CYB5A: variants seen among roughly 807,000 people sequenced by gnomAD.
CYB5A encodes the protein cytochrome b5 type A.
CYB5A carries 10 observed loss-of-function variants against 16.2 expected under a neutral mutation model. The ratio of observed to expected loss-of-function variants is 0.62; its 90% CI spans 0.38 to 1.04. CYB5A has a LOEUF of 1.04. Among genes scored for constraint, CYB5A ranks in the 50% least tolerant of loss-of-function variants. The probability of loss-of-function intolerance (pLI) is 0.01; values close to 1 mark genes in which losing one functional copy is unlikely to be tolerated. For synonymous variants in CYB5A, 62 were observed against 57.0 expected, an observed-to-expected ratio of 1.09 and a Z score of -0.40; for missense variants, 161 against 165.9, an observed-to-expected ratio of 0.97 and a Z score of 0.16.
intron 1 of CYB5A, among the ~76,000 whole-genome samples, chr18:74,276,266 C>T (rs933366959): frequency 1.3e-5 from 2 of 152,094 alleles, no homozygotes; most frequent in Admixed American, 6.6e-5. Flanking sequence ...TGATAGCTCA[C>T]GAGGGAGGTG....
chr18:74,290,397 G>A (rs572404692), intron 1 of CYB5A, among the ~76,000 whole-genome samples: 22 of 152,022 alleles, frequency 1.4e-4, no homozygotes, highest in African/African-American at 4.8e-4. Flanking sequence ...GGCGTGCCCC[G>A]CCAGGCCTGG....
At chr18:74,267,751 A>T (rs1281326816) in intron 1 of CYB5A, among the ~76,000 whole-genome samples, 1 of 152,166 alleles carries the variant, frequency 6.6e-6, no homozygotes, top group Non-Finnish European at 1.5e-5. Context: ...AAGAAGTGAA[A>T]TTCTCCCAAA....
chr18:74,289,673 G>A (rs774409971), intron 1 of CYB5A, among the ~76,000 whole-genome samples: 23 of 151,962 alleles, frequency 1.5e-4, no homozygotes, highest in Non-Finnish European at 2.9e-4. Flanking sequence ...CTACTTGGGA[G>A]GCTGAGGCAG....
chr18:74,275,974 G>C (rs1056187877), intron 1 of CYB5A, among the ~76,000 whole-genome samples: 1 of 152,058 alleles, frequency 6.6e-6, no homozygotes, highest in Non-Finnish European at 1.5e-5. Context: ...ATCTGACCCA[G>C]CCCAGAGGCG....
intron 1 of CYB5A, among the ~76,000 whole-genome samples, chr18:74,270,373 CTGCATCAG>C (rs1447091816): frequency 6.6e-6 from 1 of 152,098 alleles, no homozygotes; most frequent in Non-Finnish European, 1.5e-5. Context: ...TGAGCTATGA[CTGCATCAG>C]TGCACTCCAG....
intron 1 of CYB5A, among the ~76,000 whole-genome samples, chr18:74,285,814 G>T (rs544837785): frequency 4.1e-5 from 6 of 147,144 alleles, no homozygotes; most frequent in Admixed American, 1.4e-4. Context: ...ATCACACCAC[G>T]GCCTGGGCAA....
intron 1 of CYB5A, among the ~76,000 whole-genome samples, chr18:74,289,513 C>T (rs1341839088): frequency 2.6e-5 from 4 of 152,128 alleles, no homozygotes; most frequent in Admixed American, 6.5e-5. Flanking sequence ...CAGTGGCTCA[C>T]GCCTGTAATC....
intron 3 of CYB5A, chr18:74,257,351 C>T: frequency 1.2e-5 from 2 of 165,720 alleles, no homozygotes; most frequent in Non-Finnish European, 2.6e-5. Flanking sequence ...AATCGTATCA[C>T]CTTTTGATTG....
rs1035704122 is a variant in CYB5A at position 74,252,056 on chromosome 18, C to G, written c.*1528G>C. On this transcript the variant is annotated 3_prime_UTR_variant, in exon 5 of 5. Coordinates refer to ENST00000340533, the MANE Select transcript of CYB5A (RefSeq NM_148923.4). ...AATATTGAAATATTTACATAGGTCC[C>G]TTAACAAGTGTTGTAATTTATTTTG... 2 of 152,190 alleles carry G rather than the reference C, an allele frequency of 1.3e-5. No homozygotes were observed. Among genetic ancestry groups the G allele is most frequent in the African/African-American group, 4.8e-5 (2 of 41,454 alleles). 9.4% of individuals were successfully genotyped at this position (152,190 alleles called of 1,614,324 possible). A position where few individuals can be genotyped will look rare whatever the true frequency, so the allele number is the denominator to read the frequency against.
At chr18:74,264,072 G>A (rs960427312) in intron 1 of CYB5A, among the ~76,000 whole-genome samples, 6 of 152,050 alleles carry the variant, frequency 3.9e-5, no homozygotes, top group South Asian at 2.1e-4. Context: ...TTAGCCAGCC[G>A]TGGTGGCGGG....
intron 1 of CYB5A, among the ~76,000 whole-genome samples, chr18:74,271,796 A>C (rs903338483): frequency 3.9e-5 from 6 of 152,186 alleles, no homozygotes; most frequent in Non-Finnish European, 5.9e-5. Context: ...TGCCACAAAC[A>C]AAACTACTCT....
intron 1 of CYB5A, among the ~76,000 whole-genome samples, chr18:74,281,891 G>A (rs1335885437): frequency 2.0e-5 from 3 of 151,974 alleles, no homozygotes; most frequent in East Asian, 1.9e-4. Flanking sequence ...GAATAACCCA[G>A]CAGGGTGTGG....
intron 1 of CYB5A, among the ~76,000 whole-genome samples, chr18:74,287,237 T>C (rs374169470): frequency 1.7e-3 from 259 of 152,384 alleles, no homozygotes; most frequent in African/African-American, 5.7e-3. Flanking sequence ...ATTTGCCAAC[T>C]GCAGCCTTTA....
chr18:74,287,999 G>C lies in CYB5A; in HGVS notation c.129+3748C>G, dbSNP rs551501891. On this transcript the variant is annotated intron_variant, in intron 1 of 4. Coordinates refer to ENST00000340533, the MANE Select transcript of CYB5A (RefSeq NM_148923.4). Reference sequence around the variant, plus strand: ...TATAAACTCAAAAACTAGAACTCAGGATTGAAAAAAAAATCTAGTTCAAAA... The same window carrying C: ...TATAAACTCAAAAACTAGAACTCAGCATTGAAAAAAAAATCTAGTTCAAAA... Among the ~76,000 whole-genome samples the C allele has an allele frequency of 2.0e-5, 3 of 151,976 alleles. No homozygotes were observed. In the South Asian group the frequency reaches 6.2e-4, roughly 32 times the overall value.
At chr18:74,263,951 G>A (rs1376286215) in intron 1 of CYB5A, among the ~76,000 whole-genome samples, 4 of 151,770 alleles carry the variant, frequency 2.6e-5, no homozygotes, top group African/African-American at 9.7e-5. Context: ...ACCTTTCCCG[G>A]CCGGGCACGG....
intron 3 of CYB5A, chr18:74,256,352 G>C (rs924185405): frequency 5.7e-6 from 1 of 175,016 alleles, no homozygotes; most frequent in African/African-American, 2.4e-5. Flanking sequence ...CACCAGACCA[G>C]CCTCACAGGA....
At chr18:74,254,611 C>CCA (rs1981898766) in intron 4 of CYB5A, among the ~76,000 whole-genome samples, 1 of 151,804 alleles carries the variant, frequency 6.6e-6, no homozygotes, top group Non-Finnish European at 1.5e-5. Flanking sequence ...GCTCCGCCTC[C>CCA]TGGGTTCACA....
intron 3 of CYB5A, chr18:74,257,563 C>G (rs1982034584): frequency 6.6e-6 from 1 of 152,372 alleles, no homozygotes; most frequent in South Asian, 2.1e-4. Flanking sequence ...TTGGCTCTGC[C>G]ACCTGTTCAC....
chr18:74,281,467 G>C (rs1042485714), intron 1 of CYB5A, among the ~76,000 whole-genome samples: 2 of 152,184 alleles, frequency 1.3e-5, no homozygotes, highest in Non-Finnish European at 2.9e-5. Flanking sequence ...AAGGAGACAG[G>C]AGGTGGAGGG....
Sources: gnomAD v4.1 joint callset for allele counts (sites outside exome capture counted in the v4.1 genomes callset) on GRCh38, gnomAD v4.1.1 for gene constraint, MANE v1.5 for transcripts, NCBI Gene and HGNC (gene_info 2026-07-23, HGNC 2026-07-21) for gene names.